WDPCP: variants seen among roughly 807,000 people sequenced by gnomAD.
The protein encoded by WDPCP is WD repeat containing planar cell polarity effector.
A neutral mutation model predicts 93.1 loss-of-function variants in WDPCP; 71 were observed. The ratio of observed to expected loss-of-function variants is 0.76; its 90% CI spans 0.63 to 0.93. The LOEUF (loss-of-function observed/expected upper bound fraction) is 0.93. WDPCP is among the 40% of genes least tolerant of loss of function. The pLI is 0.00. For synonymous variants in WDPCP, 315 were observed against 315.0 expected (o/e 1.00, Z 0.00); for missense variants, 844 against 887.4 (o/e 0.95, Z 0.62).
intron 14 of WDPCP, among the ~76,000 whole-genome samples, chr2:63,190,560 C>T (rs1274755518): frequency 6.6e-6 from 1 of 151,260 alleles, no homozygotes; most frequent in African/African-American, 2.4e-5. Context: ...AAGTAAGATC[C>T]ATAGTGGCAG....
At chr2:63,592,900 T>C (rs1709226693), upstream of WDPCP, among the ~76,000 whole-genome samples, 1 of 152,092 alleles carries the variant, frequency 6.6e-6, no homozygotes, top group Non-Finnish European at 1.5e-5. Flanking sequence ...GAGTAATAAT[T>C]TCTTCCTGTA....
chr2:63,684,409 A>T, intron 2 of WDPCP: 1 of 823,348 alleles, frequency 1.2e-6, no homozygotes, highest in Non-Finnish European at 2.1e-6. Context: ...GGCACCTCAG[A>T]TCGCCCCTAC....
At chr2:63,188,989 G>C (rs978892540) in intron 14 of WDPCP, among the ~76,000 whole-genome samples, 11 of 152,178 alleles carry the variant, frequency 7.2e-5, no homozygotes, top group Non-Finnish European at 1.3e-4. Context: ...AGACCTCTCA[G>C]ATTTTTCCTG....
chr2:63,422,655 A>G (rs1575390194), intron 9 of WDPCP, among the ~76,000 whole-genome samples: 2 of 152,326 alleles, frequency 1.3e-5, no homozygotes, highest in African/African-American at 4.8e-5. Flanking sequence ...GGCATTGAAC[A>G]TTGAATAGCT....
chr2:63,327,584 A>G (rs1687653726), intron 12 of WDPCP, among the ~76,000 whole-genome samples: 1 of 152,166 alleles, frequency 6.6e-6, no homozygotes, highest in South Asian at 2.1e-4. Flanking sequence ...GCACATTCTT[A>G]GGGGAAGAAC....
intron 2 of WDPCP, among the ~76,000 whole-genome samples, chr2:63,803,555 T>A (rs184347478): frequency 7.9e-5 from 12 of 152,334 alleles, no homozygotes; most frequent in Admixed American, 7.8e-4. Flanking sequence ...AACCCTTACC[T>A]CTTTATTTTT....
intron 10 of WDPCP, among the ~76,000 whole-genome samples, chr2:63,388,075 T>A (rs940460261): frequency 6.6e-6 from 1 of 152,152 alleles, no homozygotes; most frequent in African/African-American, 2.4e-5. Context: ...TCCAGTGCTA[T>A]TCCTATCAAA....
At chr2:63,799,962 C>T (rs1014521752) in intron 2 of WDPCP, among the ~76,000 whole-genome samples, 5 of 152,084 alleles carry the variant, frequency 3.3e-5, no homozygotes, top group Non-Finnish European at 5.9e-5. Context: ...CTTTTGTATG[C>T]AATTGTGATG....
intron 2 of WDPCP, among the ~76,000 whole-genome samples, chr2:63,490,345 T>C (rs1032002197): frequency 1.3e-5 from 2 of 152,108 alleles, no homozygotes; most frequent in African/African-American, 4.8e-5. Context: ...ATGAATGTAT[T>C]TGGAGGTGAT....
At chr2:63,498,629 G>A (rs961097762) in intron 1 of WDPCP, among the ~76,000 whole-genome samples, 1 of 152,148 alleles carries the variant, frequency 6.6e-6, no homozygotes, top group Non-Finnish European at 1.5e-5. Flanking sequence ...TAGAAGTAGA[G>A]ATTACTTGCC....
intron 13 of WDPCP, among the ~76,000 whole-genome samples, chr2:63,293,169 C>T (rs1019846247): frequency 6.6e-6 from 1 of 152,148 alleles, no homozygotes; most frequent in Non-Finnish European, 1.5e-5. Context: ...CTCATTACCC[C>T]CTTCATTTTT....
At chr2:63,722,312 C>T (rs1353098398) in intron 2 of WDPCP, among the ~76,000 whole-genome samples, 1 of 150,330 alleles carries the variant, frequency 6.7e-6, no homozygotes, top group Non-Finnish European at 1.5e-5. Flanking sequence ...GCCATCACAT[C>T]TAGGAAGTGA....
intron 9 of WDPCP, among the ~76,000 whole-genome samples, chr2:63,414,571 T>C (rs1252824116): frequency 6.6e-6 from 1 of 152,034 alleles, no homozygotes; most frequent in African/African-American, 2.4e-5. Flanking sequence ...TTAACAGTAT[T>C]TGCAGTGACC....
At chr2:63,522,110 T>C (rs1482240058) in intron 1 of WDPCP, among the ~76,000 whole-genome samples, 1 of 152,044 alleles carries the variant, frequency 6.6e-6, no homozygotes, top group Admixed American at 6.6e-5. Context: ...GGTATACACG[T>C]GCCATGGTGG....
chr2:63,143,385 A>G (rs1485127589), intron 17 of WDPCP, among the ~76,000 whole-genome samples: 2 of 152,180 alleles, frequency 1.3e-5, no homozygotes, highest in Non-Finnish European at 2.9e-5. Flanking sequence ...GTGGTTCTGT[A>G]TCTTTTAAGA....
chr2:63,652,385 A>C (rs1337183543), intron 2 of WDPCP, among the ~76,000 whole-genome samples: 1 of 152,250 alleles, frequency 6.6e-6, no homozygotes, highest in Non-Finnish European at 1.5e-5. Flanking sequence ...ACTGAGAAAC[A>C]GGAAAGCCCT....
At chr2:63,292,003 G>T (rs189159180) in intron 13 of WDPCP, among the ~76,000 whole-genome samples, 196 of 150,500 alleles carry the variant, frequency 1.3e-3, no homozygotes, top group African/African-American at 4.2e-3. Context: ...CGCGGTGGCG[G>T]GCGCCTGTAG....
At chr2:63,170,329 A>G (rs1036494892) in intron 15 of WDPCP, among the ~76,000 whole-genome samples, 6 of 148,068 alleles carry the variant, frequency 4.1e-5, no homozygotes, top group African/African-American at 1.0e-4. Flanking sequence ...CTGGAGTGCA[A>G]TGGTGCAATC....
At chr2:63,551,338 G>A in intron 1 of WDPCP, among the ~76,000 whole-genome samples, 1 of 152,128 alleles carries the variant, frequency 6.6e-6, no homozygotes, top group African/African-American at 2.4e-5. Context: ...ATGGGGCCTG[G>A]CGGGAGGTGT....
Sources: gnomAD v4.1 joint callset for allele counts (sites outside exome capture counted in the v4.1 genomes callset) on GRCh38, gnomAD v4.1.1 for gene constraint, MANE v1.5 for transcripts, NCBI Gene and HGNC (gene_info 2026-07-23, HGNC 2026-07-21) for gene names.